YTHDF2: variants seen among roughly 807,000 people sequenced by gnomAD.
The protein encoded by YTHDF2 is YTH N6-methyladenosine RNA binding protein F2.
YTHDF2 carries 2 observed loss-of-function variants against 50.4 expected under a neutral mutation model. The ratio of observed to expected loss-of-function variants is 0.04; its 90% CI spans 0.02 to 0.12. YTHDF2 has a LOEUF of 0.12. Among genes scored for constraint, YTHDF2 ranks in the 10% least tolerant of loss-of-function variants. The pLI is 1.00. For synonymous variants in YTHDF2, 217 were observed against 255.6 expected (o/e 0.85, Z 1.44); for missense variants, 483 against 722.6 (o/e 0.67, Z 3.80).
intron 4 of YTHDF2, among the ~76,000 whole-genome samples, chr1:28,746,113 C>T (rs1034450444): frequency 2.2e-4 from 34 of 152,106 alleles, no homozygotes; most frequent in Non-Finnish European, 4.9e-4. Flanking sequence ...ATCTGAAGGG[C>T]TCTAAATGGT....
At chr1:28,737,266 A>G (rs971001954) in intron 1 of YTHDF2, 119 bp downstream of exon 1, 15 of 1,354,868 alleles carry the variant, frequency 1.1e-5, no homozygotes, top group Admixed American at 5.6e-5. Flanking sequence ...CTTGCGGGCC[A>G]GGTTTCGGGC....
At position 28,738,255 on chromosome 1, in the gene YTHDF2, T is replaced by G. The variant is rs776873898; in HGVS notation, c.53-4T>G. On this transcript the variant is annotated splice_region_variant and splice_polypyrimidine_tract_variant and intron_variant, in intron 2 of 4. Transcript: ENST00000373812. ...CACTCCTAATTGAATTTTTTTTTCT[T>G]TAGTACAAAATGGATCTGTACATCA... is the stretch of plus-strand genomic sequence containing the variant. 4.3e-6 allele frequency: 7 copies of G among 1,612,728 alleles called. No homozygotes were observed. In the Admixed American group the frequency reaches 6.7e-5, roughly 15 times the overall value.
chr1:28,742,923 G>A lies in YTHDF2; in HGVS notation c.653G>A (p.Ser218Asn). ...GSAVGSGSIT[S>N]NIVASNSLPP... ...GCTGTTGGTAGCGGGTCCATTACTA[G>A]TAACATCGTGGCTTCCAATAGTTTG... The change falls in exon 4 of 5, where the codon AGT (serine) becomes AAT (asparagine). Residue 218 changes from serine to asparagine, a missense_variant. Physicochemically the swap from Ser to Asn is conservative, Grantham distance 46. Transcript: ENST00000373812. 2 of 1,614,172 alleles carry A rather than the reference G, an allele frequency of 1.2e-6. No individual in the cohort carries two copies. Among genetic ancestry groups the A allele is most frequent in the Non-Finnish European group, 1.7e-6 (2 of 1,180,036 alleles).
chr1:28,738,140 A>C, intron 2 of YTHDF2, 119 bp from the exon 3 acceptor site: 1 of 740,588 alleles, frequency 1.4e-6, no homozygotes, highest in Non-Finnish European at 2.3e-6. Flanking sequence ...ACCCTTTTGA[A>C]GTTCAATCTT....
At chr1:28,764,922 G>GACTATC (rs2088195050) in intron 4 of YTHDF2, among the ~76,000 whole-genome samples, 2 of 151,934 alleles carry the variant, frequency 1.3e-5, no homozygotes, top group Non-Finnish European at 2.9e-5. Context: ...GAAGTGCAGT[G>GACTATC]ACTATTCACA....
chr1:28,764,937 TGA>T (rs1357180813), intron 4 of YTHDF2, among the ~76,000 whole-genome samples: 10 of 152,278 alleles, frequency 6.6e-5, no homozygotes, highest in African/African-American at 2.4e-4. Context: ...TTCACAGCTG[TGA>T]TCATAGTTCA....
chr1:28,745,728 C>CG (rs1156446480), intron 4 of YTHDF2, among the ~76,000 whole-genome samples: 4 of 108,672 alleles, frequency 3.7e-5, no homozygotes, highest in East Asian at 3.3e-4. Flanking sequence ...CCCCCCGCCC[C>CG]CCCCCCCCAA....
chr1:28,742,619 C>G lies in YTHDF2; in HGVS notation c.349C>G (p.Leu117Val). 1 of 1,614,012 alleles carries G rather than the reference C, an allele frequency of 6.2e-7. No individual in the cohort carries two copies. The highest frequency in any genetic ancestry group is 1.1e-5 in the South Asian group (1 of 91,072). ...AGGAGCCCTAGGTAGCACTCCATTTCTTGGTCAGCATGGTTTTAATTTCTT... is the reference window on the plus strand; with the variant it reads ...AGGAGCCCTAGGTAGCACTCCATTTGTTGGTCAGCATGGTTTTAATTTCTT... ...QPGALGSTPF[L>V]GQHGFNFFPS... is the part of the protein sequence containing the mutation. The change falls in exon 4 of 5, where the codon CTT becomes GTT. Residue 117 changes from leucine (L) to valine (V), a missense_variant. Transcript: ENST00000373812.
rs1160974703 is a variant in YTHDF2 at position 28,738,261 on chromosome 1, C to G, written c.55C>G (p.Gln19Glu). 3 of 1,612,906 alleles carry G rather than the reference C, an allele frequency of 1.9e-6. No individual in the cohort carries two copies. Among genetic ancestry groups the G allele is most frequent in the South Asian group, 2.2e-5 (2 of 91,016 alleles). Residue 19 changes from glutamine (Q) to glutamate (E), a missense_variant and splice_region_variant, in exon 3 of 5, where the codon CAA (glutamine) becomes GAA (glutamate). Gln to Glu is a conservative substitution (Grantham distance 29). Transcript: ENST00000373812. ...QRPKGQGNKV[Q>E]NGSVHQKDGL... is the part of the protein sequence containing the mutation. ...TAATTGAATTTTTTTTTCTTTAGTACAAAATGGATCTGTACATCAAAAGGA... is the reference window on the plus strand; with the variant it reads ...TAATTGAATTTTTTTTTCTTTAGTAGAAAATGGATCTGTACATCAAAAGGA...
intron 4 of YTHDF2, among the ~76,000 whole-genome samples, chr1:28,752,556 A>G (rs1205005122): frequency 1.3e-5 from 2 of 152,140 alleles, no homozygotes; most frequent in African/African-American, 2.4e-5. Flanking sequence ...GGCCTCCCAA[A>G]GTGCTGGGAT....
chr1:28,758,471 G>A (rs1025793462), intron 4 of YTHDF2, among the ~76,000 whole-genome samples: 2 of 152,190 alleles, frequency 1.3e-5, no homozygotes, highest in Non-Finnish European at 1.5e-5. Context: ...TAGTTGGAAC[G>A]TAAGTATGTA....
Position 28,742,800 on chromosome 1 carries a change from A to G in YTHDF2, c.530A>G (p.Asn177Ser), listed in dbSNP as rs527384065. ...GQSAFANETL[N>S]KAPGMNTIDQ... Reference sequence around the variant, plus strand: ...TCAGCTTTTGCCAATGAGACCCTCAATAAGGCTCCTGGCATGAATACTATA... The same window carrying G: ...TCAGCTTTTGCCAATGAGACCCTCAGTAAGGCTCCTGGCATGAATACTATA... The change falls in exon 4 of 5, where the codon AAT becomes AGT. Residue 177 changes from asparagine (N) to serine (S), a missense_variant. Around this residue, in one of 4 missense-constraint regions of YTHDF2, gnomAD observed 385 missense variants for 475.8 expected, o/e 0.81. Transcript: ENST00000373812. The G allele has an allele frequency of 7.4e-6, 12 of 1,614,146 alleles. No homozygotes were observed. The highest frequency in any genetic ancestry group is 2.2e-5 in the East Asian group (1 of 44,880).
At chr1:28,764,807 G>A (rs569327928) in intron 4 of YTHDF2, among the ~76,000 whole-genome samples, 1 of 152,122 alleles carries the variant, frequency 6.6e-6, no homozygotes, top group African/African-American at 2.4e-5. Context: ...GCCTCCTAGA[G>A]TGCTAGGATT....
intron 4 of YTHDF2, among the ~76,000 whole-genome samples, chr1:28,755,466 C>T (rs1027849088): frequency 6.6e-6 from 1 of 151,978 alleles, no homozygotes; most frequent in Non-Finnish European, 1.5e-5. Context: ...GTATAAGTAG[C>T]TCAGTTTTAC....
chr1:28,741,118 C>G (rs1323617349), intron 3 of YTHDF2, among the ~76,000 whole-genome samples: 1 of 152,148 alleles, frequency 6.6e-6, no homozygotes, highest in African/African-American at 2.4e-5. Flanking sequence ...CCACCTTAGC[C>G]TCCTGAGTAG....
rs748970541 is a variant in YTHDF2 at position 28,738,243 on chromosome 1, AT to A, written c.53-7del. On this transcript the variant is annotated splice_polypyrimidine_tract_variant and intron_variant, in intron 2 of 4. Coordinates refer to ENST00000373812, the MANE Select transcript of YTHDF2 (RefSeq NM_016258.3). ...GTAGGATTGGGACACTCCTAATTGA[AT>A]TTTTTTTTCTTTAGTACAAAATGGA... is the stretch of plus-strand genomic sequence containing the variant. 73 of 1,587,092 alleles carry A rather than the reference AT, an allele frequency of 4.6e-5. No individual in the cohort carries two copies. In the East Asian group the frequency reaches 7.0e-4, roughly 15 times the overall value.
intron 3 of YTHDF2, 75 bp downstream of exon 3, chr1:28,738,413 C>A: frequency 8.1e-7 from 1 of 1,242,042 alleles, no homozygotes; most frequent in Non-Finnish European, 1.2e-6. Flanking sequence ...CAATAAATCC[C>A]ATTTTCTGAG....
chr1:28,743,927 A>G lies in YTHDF2; in HGVS notation c.1657A>G (p.Ile553Val). The change falls in exon 4 of 5, where the codon ATT (isoleucine) becomes GTT (valine). Residue 553 changes from isoleucine (I) to valine (V), a missense_variant. This residue lies in a region of YTHDF2 where 38 missense variants were observed against 60.1 expected (regional missense o/e 0.63). Transcript: ENST00000373812. This position sits in a 1 kb window ranked among gnomAD's most constrained non-coding sequence, Gnocchi z 6.9. ...IIASYKHTTS[I>V]FDDFSHYEKR... ...AGCCAGCTACAAGCACACCACTTCC[A>G]TTTTTGATGACTTCTCACACTATGA... 1.3e-6 allele frequency: 2 copies of G among 1,590,424 alleles called. No homozygotes were observed. The highest frequency in any genetic ancestry group is 1.7e-6 in the Non-Finnish European group (2 of 1,170,294).
chr1:28,761,129 G>GTTTTT (rs1440540368), intron 4 of YTHDF2, among the ~76,000 whole-genome samples: 1 of 35,304 alleles, frequency 2.8e-5, no homozygotes, highest in Non-Finnish European at 6.3e-5. Context: ...GTGTGTGTGT[G>GTTTTT]TATTTTTTTT....
Sources: gnomAD v4.1 joint callset for allele counts (sites outside exome capture counted in the v4.1 genomes callset) on GRCh38, gnomAD v4.1.1 for gene constraint, gnomAD v4.1.1 regional missense constraint, Gnocchi (gnomAD v3.1) non-coding constraint, MANE v1.5 for transcripts, NCBI Gene and HGNC (gene_info 2026-07-23, HGNC 2026-07-21) for gene names.